PTPRN2: variants seen among roughly 807,000 people sequenced by gnomAD.
PTPRN2 encodes the protein receptor-type tyrosine-protein phosphatase N2.
Under a neutral mutation model 118.8 loss-of-function variants are expected in PTPRN2, and 74 were observed. That is an observed-to-expected ratio of 0.62 (90% confidence interval 0.52 to 0.76). The LOEUF (loss-of-function observed/expected upper bound fraction) is 0.76. Among genes scored for constraint, PTPRN2 ranks in the 30% least tolerant of loss-of-function variants. PTPRN2 has a pLI of 0.00. For synonymous variants in PTPRN2, 641 were observed against 608.0 expected, an observed-to-expected ratio of 1.05 and a Z score of -0.80; for missense variants, 1,481 against 1,394.4, an observed-to-expected ratio of 1.06 and a Z score of -0.99.
chr7:158,173,627 G>T (rs1823915518), intron 5 of PTPRN2, among the ~76,000 whole-genome samples: 1 of 152,174 alleles, frequency 6.6e-6, no homozygotes, highest in African/African-American at 2.4e-5. Context: ...AATTCACCAG[G>T]CTGGAATTTC....
chr7:157,880,699 G>A (rs765625684), intron 12 of PTPRN2, among the ~76,000 whole-genome samples: 5 of 152,232 alleles, frequency 3.3e-5, no homozygotes, highest in Admixed American at 1.3e-4. Flanking sequence ...AGACTGAACC[G>A]TGGATCTGAA....
At chr7:158,535,339 G>A (rs148653444) in intron 1 of PTPRN2, among the ~76,000 whole-genome samples, 2 of 152,274 alleles carry the variant, frequency 1.3e-5, no homozygotes, top group African/African-American at 2.4e-5. Flanking sequence ...CGTGAATTCG[G>A]GTAAGTTTCT....
chr7:157,579,371 A>G (rs1800226327), intron 17 of PTPRN2, among the ~76,000 whole-genome samples: 3 of 152,218 alleles, frequency 2.0e-5, no homozygotes, highest in Non-Finnish European at 4.4e-5. Flanking sequence ...ATGAGAATTC[A>G]AAACATGTTT....
At chr7:158,251,224 C>T (rs1188803968) in intron 3 of PTPRN2, among the ~76,000 whole-genome samples, 2 of 152,116 alleles carry the variant, frequency 1.3e-5, no homozygotes, top group Non-Finnish European at 2.9e-5. Context: ...AACTGGGCTC[C>T]CGTCCTGCCT....
Position 158,529,516 on chromosome 7 carries a change from C to T in PTPRN2, c.113-39731G>A, listed in dbSNP as rs1309185576. The stretch of plus-strand genomic sequence containing the variant: ...CACACACAGCTGCAAACTCACATCG[C>T]TGCCTCTGGAACCACAGAGTGCTCT... On this transcript the variant is annotated intron_variant, in intron 1 of 22. Coordinates refer to ENST00000389418, the MANE Select transcript of PTPRN2 (RefSeq NM_002847.5). This position sits in a 1 kb window ranked among gnomAD's most constrained non-coding sequence, Gnocchi z 4.7. Among the ~76,000 whole-genome samples, 1 of 152,226 alleles carries T rather than the reference C, an allele frequency of 6.6e-6. No individual in the cohort carries two copies. Among genetic ancestry groups the T allele is most frequent in the Non-Finnish European group, 1.5e-5 (1 of 68,044 alleles).
chr7:158,325,585 G>A (rs1238062116), intron 2 of PTPRN2, among the ~76,000 whole-genome samples: 3 of 152,198 alleles, frequency 2.0e-5, no homozygotes, highest in Non-Finnish European at 4.4e-5. Context: ...TCAGCTGCCT[G>A]GAAACTATCA....
intron 20 of PTPRN2, among the ~76,000 whole-genome samples, chr7:157,570,972 CG>C (rs1190130636): frequency 6.6e-6 from 1 of 152,098 alleles, no homozygotes; most frequent in African/African-American, 2.4e-5. Context: ...AGGCCTCGCG[CG>C]GTGGCTCACG....
chr7:157,816,063 C>T (rs1025019379), intron 12 of PTPRN2, among the ~76,000 whole-genome samples: 3 of 152,214 alleles, frequency 2.0e-5, no homozygotes, highest in African/African-American at 4.8e-5. Context: ...TACATGTGAA[C>T]ACATGCTCCC....
intron 12 of PTPRN2, among the ~76,000 whole-genome samples, chr7:157,824,111 C>T (rs1207908922): frequency 6.6e-6 from 1 of 152,214 alleles, no homozygotes; most frequent in Non-Finnish European, 1.5e-5. Context: ...AGCGAGAGCA[C>T]ACGGCCCCAG....
rs115510063 is a variant in PTPRN2 at position 158,546,446 on chromosome 7, G to A, written c.112+41112C>T. On this transcript the variant is annotated intron_variant, in intron 1 of 22. Transcript: ENST00000389418. The surrounding 1 kb of genome is among the most constrained non-coding windows in gnomAD (Gnocchi z 5.0). ...GAATGGTGCTGGAATCACAGCCGCC[G>A]GGTTAAGGGGCTCATGGCGGAGGCA... Among the ~76,000 whole-genome samples the A allele has an allele frequency of 0.017, 2,575 of 152,322 alleles. 62 individuals are homozygous for A. Among genetic ancestry groups the A allele is most frequent in the African/African-American group, 0.058 (2,416 of 41,574 alleles).
At chr7:158,040,736 C>CTTTTTTTTTTTTTTTTTTT (rs58192875) in intron 11 of PTPRN2, among the ~76,000 whole-genome samples, 4 of 142,204 alleles carry the variant, frequency 2.8e-5, no homozygotes, top group African/African-American at 7.8e-5. Context: ...TTTTTTCTTT[C>CTTTTTTTTTTTTTTTTTTT]TTTTTTTTTT....
chr7:157,576,588 C>T (rs1186341049), intron 19 of PTPRN2, 25 bp downstream of exon 19: 2 of 1,593,386 alleles, frequency 1.3e-6, no homozygotes, highest in African/African-American at 2.7e-5. Context: ...CGCGCACTGC[C>T]CTGCCGGCGG....
rs112306634 is a variant in PTPRN2, at chr7:158,150,751, CTG to C, written c.911-12238_911-12237del. The stretch of plus-strand genomic sequence containing the variant: ...CTGCAAAGCTCTCTTCTTTCCTGGT[CTG>C]TGAGACGCTGCGTATCTGCAGCACC... On this transcript the variant is annotated intron_variant, in intron 6 of 22. Coordinates refer to ENST00000389418, the MANE Select transcript of PTPRN2 (RefSeq NM_002847.5). Among the ~76,000 whole-genome samples the C allele has an allele frequency of 2.9e-3, 440 of 152,070 alleles. 3 individuals carry two copies. The highest frequency in any genetic ancestry group is 1.0e-2 in the African/African-American group (414 of 41,458).
chr7:157,583,000 T>C (rs1184817884), intron 17 of PTPRN2, among the ~76,000 whole-genome samples: 1 of 152,054 alleles, frequency 6.6e-6, no homozygotes, highest in East Asian at 1.9e-4. Flanking sequence ...ATAAAATCAG[T>C]GTGTGGAAGG....
chr7:158,587,093 C>A (rs1164479749), intron 1 of PTPRN2, among the ~76,000 whole-genome samples: 1 of 151,658 alleles, frequency 6.6e-6, no homozygotes, highest in Non-Finnish European at 1.5e-5. Context: ...CCCCGGAGCC[C>A]CCGACCCGCT....
intron 11 of PTPRN2, among the ~76,000 whole-genome samples, chr7:157,975,692 C>G (rs1193389334): frequency 6.6e-6 from 1 of 152,176 alleles, no homozygotes; most frequent in Non-Finnish European, 1.5e-5. Context: ...TGCCTGCCCT[C>G]CGTGTCTGGT....
At chr7:158,454,710 T>C (rs1455765448) in intron 2 of PTPRN2, among the ~76,000 whole-genome samples, 5 of 152,212 alleles carry the variant, frequency 3.3e-5, no homozygotes, top group Non-Finnish European at 7.3e-5. Context: ...GGATGGTTGC[T>C]ATAGACAAAG....
Position 158,521,127 on chromosome 7 carries a change from C to T in PTPRN2, c.113-31342G>A, listed in dbSNP as rs561754809. Among the ~76,000 whole-genome samples the T allele has an allele frequency of 3.3e-4, 50 of 152,318 alleles. 1 individual carries two copies. The highest frequency in any genetic ancestry group is 8.2e-4 in the African/African-American group (34 of 41,574). On this transcript the variant is annotated intron_variant, in intron 1 of 22. Coordinates refer to ENST00000389418, the MANE Select transcript of PTPRN2 (RefSeq NM_002847.5). ...CCTGCCCCAGCTGGAATGCTGTCTG[C>T]GTAGTCATACTATAATTTTATTTGT...
At chr7:158,067,553 G>A (rs939097478) in intron 11 of PTPRN2, among the ~76,000 whole-genome samples, 12 of 152,294 alleles carry the variant, frequency 7.9e-5, no homozygotes, top group African/African-American at 2.9e-4. Context: ...CAGGGGCCCC[G>A]TTTGCAGAAC....
Sources: gnomAD v4.1 joint callset for allele counts (sites outside exome capture counted in the v4.1 genomes callset) on GRCh38, gnomAD v4.1.1 for gene constraint, Gnocchi (gnomAD v3.1) non-coding constraint, MANE v1.5 for transcripts, NCBI Gene and HGNC (gene_info 2026-07-23, HGNC 2026-07-21) for gene names.